The following PTK2 variants were observed in gnomAD, a reference collection of about 807,000 sequenced individuals.
PTK2 encodes protein tyrosine kinase 2.
Under a neutral mutation model 150.1 loss-of-function variants are expected in PTK2, and 45 were observed. The ratio of observed to expected loss-of-function variants is 0.30; its 90% confidence interval spans 0.24 to 0.38. The LOEUF (loss-of-function observed/expected upper bound fraction) is 0.38, where lower values mean the gene tolerates loss of function less well. PTK2 is among the 10% of genes least tolerant of loss of function. The pLI, the probability that PTK2 is intolerant of heterozygous loss-of-function variation, is 1.00. For missense variants in PTK2, 919 were observed against 1,307.3 expected, an observed-to-expected ratio of 0.70 and a Z score of 4.58; for synonymous variants, 432 against 449.2, an observed-to-expected ratio of 0.96 and a Z score of 0.48.
intron 1 of PTK2, among the ~76,000 whole-genome samples, chr8:140,928,185 C>A (rs2100170417): frequency 6.6e-6 from 1 of 151,722 alleles, no homozygotes; most frequent in African/African-American, 2.4e-5. Flanking sequence ...GTTATTCCAG[C>A]TTACCAAGAA....
rs757448497 is a variant in PTK2 at position 140,744,636 on chromosome 8, T to G, written c.1634+16A>C. On this transcript the variant is annotated intron_variant, in intron 19 of 31. Transcript: ENST00000522684. ...TTTTCAGAAGGGAACTTAACAGCTT[T>G]ATGACTGTATCTTACCTGTGTACAA... 6 of 1,477,070 alleles carry G rather than the reference T, an allele frequency of 4.1e-6. No homozygotes were observed. The highest frequency in any genetic ancestry group is 1.4e-5 in the African/African-American group (1 of 71,350). 91.5% of individuals were successfully genotyped at this position (1,477,070 alleles called of 1,614,324 possible). A position where few individuals can be genotyped will look rare whatever the true frequency, so the allele number is the denominator to read the frequency against.
chr8:140,822,009 A>C (rs563517611), intron 8 of PTK2: 2 of 152,304 alleles, frequency 1.3e-5, no homozygotes, highest in East Asian at 3.9e-4. Flanking sequence ...TGTAGGACAG[A>C]CTCTACAACA....
At chr8:140,825,471 T>C (rs2100111276) in intron 8 of PTK2, among the ~76,000 whole-genome samples, 1 of 152,222 alleles carries the variant, frequency 6.6e-6, no homozygotes, top group African/African-American at 2.4e-5. Flanking sequence ...GAGAATCAGA[T>C]ACTAAAAAAA....
chr8:140,903,760 T>C (rs961615827), intron 2 of PTK2, among the ~76,000 whole-genome samples: 1 of 152,184 alleles, frequency 6.6e-6, no homozygotes, highest in African/African-American at 2.4e-5. Flanking sequence ...ATTCTCTTTA[T>C]AGCAATTGTG....
rs1325653235 is a variant in PTK2 at position 140,674,032 on chromosome 8, T to C, written c.2709+266A>G. 10 of 585,326 alleles carry C rather than the reference T, an allele frequency of 1.7e-5. No homozygotes were observed. The African/African-American group carries it at 1.8e-4, about 11-fold the overall frequency. 36.3% of individuals were successfully genotyped at this position (585,326 alleles called of 1,614,324 possible). A position where few individuals can be genotyped will look rare whatever the true frequency, so the allele number is the denominator to read the frequency against. On this transcript the variant is annotated intron_variant, in intron 29 of 31. Coordinates refer to ENST00000522684, the Ensembl canonical transcript of PTK2. ...TTCTGTCTGATCAGAGGAAGATGTA[T>C]GTAGAAAATCAGAATCTGACTGAAT...
chr8:140,846,646 A>G, exon 6 of PTK2: 1 of 1,612,658 alleles, frequency 6.2e-7, no homozygotes, highest in Non-Finnish European at 8.5e-7. Flanking sequence ...GGTCCACTTG[A>G]TCAGCTATCT....
chr8:140,665,461 G>A (rs973575866), intron 30 of PTK2, among the ~76,000 whole-genome samples: 4 of 152,208 alleles, frequency 2.6e-5, no homozygotes, highest in South Asian at 2.1e-4. Flanking sequence ...CACTGCCCCG[G>A]ATGCAAGGGG....
intron 3 of PTK2, among the ~76,000 whole-genome samples, chr8:140,881,527 C>T (rs762506819): frequency 2.0e-5 from 3 of 152,230 alleles, no homozygotes; most frequent in Non-Finnish European, 2.9e-5. Flanking sequence ...CAGCTCACTG[C>T]TACTACCAAT....
intron 14 of PTK2, among the ~76,000 whole-genome samples, chr8:140,781,610 T>G (rs2154568861): frequency 6.6e-6 from 1 of 152,304 alleles, no homozygotes; most frequent in African/African-American, 2.4e-5. Context: ...TCATTATTGC[T>G]CAGCTTTTCA....
At chr8:140,770,960 A>G (rs958448439) in intron 14 of PTK2, 161 bp from the exon 15 acceptor site, 6 of 210,394 alleles carry the variant, frequency 2.9e-5, no homozygotes, top group African/African-American at 1.4e-4. Flanking sequence ...ACTATGATTG[A>G]CTTGAGTTTT....
At chr8:140,833,722 A>C (rs1168800087) in intron 7 of PTK2, among the ~76,000 whole-genome samples, 3 of 152,226 alleles carry the variant, frequency 2.0e-5, no homozygotes, top group African/African-American at 7.2e-5. Flanking sequence ...TATAATTACT[A>C]ACCTTTATCA....
chr8:140,760,317 A>C (rs1262509832), intron 16 of PTK2, among the ~76,000 whole-genome samples: 1 of 152,328 alleles, frequency 6.6e-6, no homozygotes, highest in South Asian at 2.1e-4. Flanking sequence ...CAAAAAGTGG[A>C]AACAACCCAA....
At chr8:140,685,587 C>T (rs2100019342) in intron 27 of PTK2, among the ~76,000 whole-genome samples, 1 of 152,162 alleles carries the variant, frequency 6.6e-6, no homozygotes, top group Non-Finnish European at 1.5e-5. Context: ...AGGACATGAA[C>T]AGACACTTTT....
intron 26 of PTK2, among the ~76,000 whole-genome samples, chr8:140,695,457 C>T (rs1391149850): frequency 6.6e-6 from 1 of 151,046 alleles, no homozygotes; most frequent in Non-Finnish European, 1.5e-5. Flanking sequence ...GTCACCCAGG[C>T]TGGAGTGTAG....
At chr8:140,962,573 T>C (rs55782842) in intron 1 of PTK2, among the ~76,000 whole-genome samples, 3,662 of 152,018 alleles carry the variant, frequency 0.024, 158 homozygotes, top group African/African-American at 0.085. Context: ...CCGAGGCGTG[T>C]AGATCATGAG....
intron 23 of PTK2, among the ~76,000 whole-genome samples, chr8:140,707,399 A>T (rs1032022600): frequency 7.2e-5 from 11 of 152,208 alleles, no homozygotes; most frequent in South Asian, 4.1e-4. Context: ...TGAATATACT[A>T]AAAAAACATC....
intron 5 of PTK2, among the ~76,000 whole-genome samples, 178 bp from the exon 6 acceptor site, chr8:140,846,856 G>A (rs1354274337): frequency 6.6e-6 from 1 of 152,074 alleles, no homozygotes; most frequent in Non-Finnish European, 1.5e-5. Context: ...TTTACATTGT[G>A]TCGGTAATTA....
At chr8:140,863,586 T>C (rs901652630) in intron 5 of PTK2, among the ~76,000 whole-genome samples, 1 of 152,196 alleles carries the variant, frequency 6.6e-6, no homozygotes, top group Admixed American at 6.5e-5. Flanking sequence ...TTCTACAAAG[T>C]TGAAGACTCC....
At chr8:140,895,957 CCTCT>C (rs1332217354) in intron 2 of PTK2, among the ~76,000 whole-genome samples, 2 of 151,930 alleles carry the variant, frequency 1.3e-5, no homozygotes, top group African/African-American at 2.4e-5. Context: ...AATTGATACA[CCTCT>C]CTAAGACTAA....
Sources: allele counts gnomAD v4.1 joint callset (sites outside exome capture counted in the v4.1 genomes callset), GRCh38; gene constraint gnomAD v4.1.1; transcripts MANE v1.5; gene names NCBI Gene and HGNC (gene_info 2026-07-23, HGNC 2026-07-21).